Variants in SNX24 observed in about 807,000 individuals in gnomAD.
SNX24 encodes sorting nexin 24, also known as sorting nexin-24.
In SNX24, 22 loss-of-function variants were observed where a neutral mutation model predicts 28.7. The ratio of observed to expected loss-of-function variants is 0.77; its 90% CI spans 0.55 to 1.10. SNX24 has a LOEUF of 1.10. Ranked by LOEUF, SNX24 falls within the 50% of genes least tolerant of loss-of-function variation. The probability of loss-of-function intolerance (pLI) is 0.00; values close to 1 mark genes in which losing one functional copy is unlikely to be tolerated. For synonymous variants in SNX24, 69 were observed against 71.5 expected (o/e 0.96, Z 0.18); for missense variants, 221 against 201.1 (o/e 1.10, Z -0.60).
At chr5:123,029,136 C>G (rs1214933879) in intron 5 of SNX24, 2 of 1,284,600 alleles carry the variant, frequency 1.6e-6, no homozygotes, top group Non-Finnish European at 2.1e-6. Flanking sequence ...TTTCCAGAAG[C>G]CTAAGGGCAC....
At chr5:122,929,013 C>T (rs879584413) in intron 1 of SNX24, among the ~76,000 whole-genome samples, 3 of 151,982 alleles carry the variant, frequency 2.0e-5, no homozygotes, top group Admixed American at 1.3e-4. Flanking sequence ...TCCCACCCTC[C>T]ACCCTCATTA....
In SNX24 at chr5:122,968,738, G is replaced by A. The variant is rs140887331; in HGVS notation, c.249+22579G>A. On this transcript the variant is annotated intron_variant, in intron 3 of 6. Transcript: ENST00000261369. ...ACCTAATAGAGCATATCTATTCACA[G>A]TACTCACAAATTAAAATATTATCAC... Among the ~76,000 whole-genome samples the A allele has an allele frequency of 1.9e-3, 294 of 152,164 alleles. 2 individuals are homozygous for A. Among genetic ancestry groups the A allele is most frequent in the African/African-American group, 6.7e-3 (279 of 41,508 alleles).
chr5:122,934,534 A>AT (rs1196592672), intron 1 of SNX24, among the ~76,000 whole-genome samples: 1 of 151,878 alleles, frequency 6.6e-6, no homozygotes, highest in Non-Finnish European at 1.5e-5. Context: ...TAATTTTTGT[A>AT]TTTTTAGTAG....
chr5:122,947,211 C>T (rs1759725392), intron 3 of SNX24, among the ~76,000 whole-genome samples: 1 of 151,964 alleles, frequency 6.6e-6, no homozygotes, highest in Non-Finnish European at 1.5e-5. Context: ...GCCCTTTAAG[C>T]ATTAACCCTA....
intron 3 of SNX24, among the ~76,000 whole-genome samples, chr5:122,954,605 A>T (rs1760124239): frequency 6.6e-6 from 1 of 151,774 alleles, no homozygotes; most frequent in South Asian, 2.1e-4. Context: ...GAACATTACA[A>T]GGGCCTTACA....
chr5:122,952,211 A>C (rs1363924072), intron 3 of SNX24, among the ~76,000 whole-genome samples: 1 of 152,228 alleles, frequency 6.6e-6, no homozygotes, highest in African/African-American at 2.4e-5. Flanking sequence ...TGTGGTCCCA[A>C]GCATTTCAAA....
At chr5:122,965,344 C>G in intron 3 of SNX24, 3 of 410,588 alleles carry the variant, frequency 7.3e-6, no homozygotes, top group South Asian at 3.5e-5. Flanking sequence ...TTGCTGCCGA[C>G]TGGCTGCCAC....
intron 1 of SNX24, among the ~76,000 whole-genome samples, chr5:122,881,594 C>T (rs770143700): frequency 2.6e-5 from 4 of 152,106 alleles, no homozygotes; most frequent in East Asian, 1.9e-4. Flanking sequence ...TCTGACTTAG[C>T]GTGCTTGACT....
Position 122,951,266 on chromosome 5 carries a change from C to CAA in SNX24, c.249+5122_249+5123dup, listed in dbSNP as rs1445925286. On this transcript the variant is annotated intron_variant, in intron 3 of 6. Transcript: ENST00000261369. ...TGGGCGACAGAGTGAGACTCTGTCT[C>CAA]AAAAAAAAAAAAAAAAGAAAAAGAA... Among the ~76,000 whole-genome samples the CAA allele has an allele frequency of 9.2e-3, 437 of 47,612 alleles. 20 individuals carry two copies. The highest frequency in any genetic ancestry group is 0.024 in the African/African-American group (233 of 9,792). The allele number at this position is 47,612 out of a possible 152,430, so 31.2% of individuals were successfully genotyped here.
chr5:122,899,119 T>C (rs1156338787), intron 1 of SNX24, among the ~76,000 whole-genome samples: 1 of 152,218 alleles, frequency 6.6e-6, no homozygotes, highest in African/African-American at 2.4e-5. Flanking sequence ...CACTGTGAGA[T>C]CTGTGCCCCA....
intron 3 of SNX24, among the ~76,000 whole-genome samples, chr5:122,978,559 T>C (rs189435398): frequency 3.9e-5 from 6 of 152,330 alleles, no homozygotes; most frequent in Non-Finnish European, 4.4e-5. Flanking sequence ...TTTTTTAGTG[T>C]TTTCAGTTTT....
chr5:122,927,348 A>G (rs527955226), intron 1 of SNX24, among the ~76,000 whole-genome samples: 1 of 152,094 alleles, frequency 6.6e-6, no homozygotes, highest in African/African-American at 2.4e-5. Flanking sequence ...TAATGATATC[A>G]ATATTGTAAT....
At chr5:122,957,488 T>G (rs75234716) in intron 3 of SNX24, among the ~76,000 whole-genome samples, 3,702 of 152,310 alleles carry the variant, frequency 0.024, 138 homozygotes, top group African/African-American at 0.071. Context: ...AAGATTGTTT[T>G]GGGTATTTGA....
chr5:123,020,851 A>G (rs1367523686), intron 5 of SNX24, among the ~76,000 whole-genome samples: 3 of 152,202 alleles, frequency 2.0e-5, no homozygotes, highest in Non-Finnish European at 4.4e-5. Flanking sequence ...TTCTTTCAGA[A>G]AGATGGCAGC....
At chr5:122,976,576 T>A (rs758879028) in intron 3 of SNX24, among the ~76,000 whole-genome samples, 1 of 152,222 alleles carries the variant, frequency 6.6e-6, no homozygotes, top group Non-Finnish European at 1.5e-5. Flanking sequence ...TAGTATCCCC[T>A]GGTCAGGTTC....
chr5:122,932,325 C>G (rs1256960103), intron 1 of SNX24, among the ~76,000 whole-genome samples: 2 of 152,152 alleles, frequency 1.3e-5, no homozygotes, highest in Non-Finnish European at 2.9e-5. Context: ...AAAGATGTCT[C>G]TAGGAATAGA....
At chr5:122,987,152 G>C (rs1761637743) in intron 3 of SNX24, among the ~76,000 whole-genome samples, 1 of 152,096 alleles carries the variant, frequency 6.6e-6, no homozygotes, top group Admixed American at 6.6e-5. Context: ...GTTATCAGCT[G>C]GGAGAGAGGG....
chr5:122,962,995 A>G (rs577115467), intron 3 of SNX24, among the ~76,000 whole-genome samples: 76 of 152,232 alleles, frequency 5.0e-4, no homozygotes, highest in Admixed American at 7.8e-4. Context: ...GCACCTTGGG[A>G]GGCCAAGGTG....
At chr5:122,969,321 T>C (rs1419279013) in intron 3 of SNX24, among the ~76,000 whole-genome samples, 1 of 152,184 alleles carries the variant, frequency 6.6e-6, no homozygotes, top group East Asian at 1.9e-4. Flanking sequence ...GAAACCAGAG[T>C]GAATTCTAGT....
Sources: allele counts gnomAD v4.1 joint callset (sites outside exome capture counted in the v4.1 genomes callset), GRCh38; gene constraint gnomAD v4.1.1; transcripts MANE v1.5; gene names NCBI Gene and HGNC (gene_info 2026-07-23, HGNC 2026-07-21).